The following KANK4 variants were observed in gnomAD, a reference collection of about 807,000 sequenced individuals.
KANK4 encodes KN motif and ankyrin repeat domain-containing protein 4.
A neutral mutation model predicts 80.8 loss-of-function variants in KANK4; 50 were observed. The ratio of observed to expected loss-of-function variants is 0.62; its 90% confidence interval spans 0.49 to 0.78. The LOEUF is 0.78. Among genes scored for constraint, KANK4 ranks in the 30% least tolerant of loss-of-function variants. The pLI is 0.00. For synonymous variants in KANK4, 465 were observed against 506.9 expected (o/e 0.92, Z 1.11); for missense variants, 1,196 against 1,240.1 (o/e 0.96, Z 0.53).
chr1:62,296,302 T>C (rs1391310558), intron 1 of KANK4, among the ~76,000 whole-genome samples: 2 of 152,146 alleles, frequency 1.3e-5, no homozygotes, highest in Non-Finnish European at 2.9e-5. Context: ...TCCCACCTGG[T>C]TCTTCACTCC....
At chr1:62,307,683 C>T (rs544473101) in intron 1 of KANK4, among the ~76,000 whole-genome samples, 1 of 151,916 alleles carries the variant, frequency 6.6e-6, no homozygotes, top group African/African-American at 2.4e-5. Context: ...CAGCCATCAC[C>T]GAAGGTCCAC....
At chr1:62,271,359 A>G in intron 4 of KANK4, 119 bp downstream of exon 4, 1 of 738,712 alleles carries the variant, frequency 1.4e-6, no homozygotes, top group Non-Finnish European at 2.4e-6. Flanking sequence ...GGCCATTGAA[A>G]TTAATTCCCT....
At chr1:62,251,991 C>CAA (rs11454026) in intron 8 of KANK4, among the ~76,000 whole-genome samples, 7,220 of 125,594 alleles carry the variant, frequency 0.057, 247 homozygotes, top group Non-Finnish European at 0.075. Flanking sequence ...GACTCCGTTT[C>CAA]AAAAAAAAAA....
At chr1:62,291,411 G>T (rs1672675551) in intron 1 of KANK4, among the ~76,000 whole-genome samples, 1 of 152,098 alleles carries the variant, frequency 6.6e-6, no homozygotes, top group South Asian at 2.1e-4. Flanking sequence ...TATAAGATAA[G>T]CTTCCAGCTT....
intron 1 of KANK4, among the ~76,000 whole-genome samples, chr1:62,297,397 G>C (rs976687200): frequency 4.6e-5 from 7 of 152,084 alleles, no homozygotes; most frequent in Non-Finnish European, 8.8e-5. Flanking sequence ...CCTTTTCACA[G>C]ATCACAGGTT....
At chr1:62,246,190 T>G (rs146966859) in intron 9 of KANK4, among the ~76,000 whole-genome samples, 2 of 152,324 alleles carry the variant, frequency 1.3e-5, no homozygotes, top group East Asian at 3.9e-4. Flanking sequence ...GTTACTATTG[T>G]TACTGATTAG....
intron 1 of KANK4, among the ~76,000 whole-genome samples, chr1:62,312,134 A>C (rs905147253): frequency 6.6e-6 from 1 of 152,170 alleles, no homozygotes; most frequent in Non-Finnish European, 1.5e-5. Context: ...ATAATTAATA[A>C]AATTTTTTAA....
intron 2 of KANK4, among the ~76,000 whole-genome samples, chr1:62,275,344 A>G (rs1371283803): frequency 6.6e-6 from 1 of 152,182 alleles, no homozygotes; most frequent in African/African-American, 2.4e-5. Flanking sequence ...GCAGTATGTC[A>G]TCTGGGTTTC....
chr1:62,280,813 A>G (rs1672435432), intron 2 of KANK4, among the ~76,000 whole-genome samples: 1 of 152,208 alleles, frequency 6.6e-6, no homozygotes, highest in Non-Finnish European at 1.5e-5. Flanking sequence ...GGTGTTGTCA[A>G]CTGTTTGCAA....
chr1:62,308,512 C>T (rs1256382506), intron 1 of KANK4, among the ~76,000 whole-genome samples: 2 of 152,150 alleles, frequency 1.3e-5, no homozygotes, highest in Non-Finnish European at 2.9e-5. Flanking sequence ...CTCCTGATCT[C>T]TCTCCTGGTC....
chr1:62,245,666 T>A (rs140886354), intron 9 of KANK4, among the ~76,000 whole-genome samples: 2 of 152,260 alleles, frequency 1.3e-5, no homozygotes, highest in African/African-American at 4.8e-5. Context: ...ACATAACATC[T>A]CCAGGCCTGT....
At chr1:62,285,906 G>A (rs1222466909) in intron 1 of KANK4, among the ~76,000 whole-genome samples, 3 of 152,132 alleles carry the variant, frequency 2.0e-5, no homozygotes, top group African/African-American at 7.2e-5. Flanking sequence ...CAAGAAGCAG[G>A]AGGCATCTGA....
intron 7 of KANK4, 86 bp downstream of exon 7, chr1:62,263,006 G>T: frequency 2.2e-6 from 2 of 918,178 alleles, no homozygotes; most frequent in Non-Finnish European, 3.5e-6. Flanking sequence ...TACCTTTAAA[G>T]CTATTGAAAT....
At chr1:62,259,129 G>C (rs1463549337) in intron 7 of KANK4, among the ~76,000 whole-genome samples, 1 of 152,284 alleles carries the variant, frequency 6.6e-6, no homozygotes, top group Admixed American at 6.5e-5. Flanking sequence ...ATTTCAGCCA[G>C]ACAGGACCCA....
At chr1:62,279,962 G>C (rs1052626367) in intron 2 of KANK4, among the ~76,000 whole-genome samples, 1 of 152,174 alleles carries the variant, frequency 6.6e-6, no homozygotes, top group Non-Finnish European at 1.5e-5. Flanking sequence ...CAGCTTCAGA[G>C]TTACACACAG....
At chr1:62,279,736 C>T (rs768821769) in intron 2 of KANK4, among the ~76,000 whole-genome samples, 1 of 152,184 alleles carries the variant, frequency 6.6e-6, no homozygotes, top group African/African-American at 2.4e-5. Context: ...GTTCTGAATG[C>T]GGCAGGCGAG....
At chr1:62,267,595 T>C (rs1289909476) in intron 5 of KANK4, among the ~76,000 whole-genome samples, 2 of 151,956 alleles carry the variant, frequency 1.3e-5, no homozygotes, top group Non-Finnish European at 2.9e-5. Context: ...AGGTCAGGTG[T>C]TCAAGATCAG....
rs775562315 is a variant in KANK4 at position 62,268,422 on chromosome 1, CA to C, written c.2095del (p.Cys699ValfsTer60). On this transcript the variant is annotated frameshift_variant, in exon 5 of 10. Transcript: ENST00000371153. LOFTEE classifies it high-confidence loss of function. ...GACATGCTTGTGATCTGGGCCGTCA[CA>C]CTTCTTCTCTGCCTCGCTGTCAGAC... Reference protein sequence around the residue: ...DLSDSEAEKKCDGPDHKHVKD... With the variant: ...DLSDSEAEKKXDGPDHKHVKD... The C allele has an allele frequency of 6.1e-5, 99 of 1,613,894 alleles. No homozygotes were observed. In the Admixed American group the frequency reaches 1.6e-3, roughly 27 times the overall value.
chr1:62,251,611 T>C (rs554899793), intron 8 of KANK4, among the ~76,000 whole-genome samples: 7 of 152,126 alleles, frequency 4.6e-5, no homozygotes, highest in Non-Finnish European at 2.9e-5. Flanking sequence ...AGAAGATGAA[T>C]AGAGACATTC....
Sources: gnomAD v4.1 joint callset for allele counts (sites outside exome capture counted in the v4.1 genomes callset) on GRCh38, gnomAD v4.1.1 for gene constraint, MANE v1.5 for transcripts, NCBI Gene and HGNC (gene_info 2026-07-23, HGNC 2026-07-21) for gene names.